Variants in ZBTB7C observed in about 807,000 individuals in gnomAD.
ZBTB7C encodes the protein zinc finger and BTB domain-containing protein 7C.
In ZBTB7C, 8 loss-of-function variants were observed where a neutral mutation model predicts 25.7. The observed-to-expected ratio is 0.31, with a 90% CI of 0.18 to 0.56. The LOEUF (loss-of-function observed/expected upper bound fraction) is 0.56, where lower values mean the gene tolerates loss of function less well. ZBTB7C is among the 20% of genes least tolerant of loss of function. ZBTB7C has a pLI of 0.91. For missense variants in ZBTB7C, 824 were observed against 855.2 expected, an observed-to-expected ratio of 0.96 and a Z score of 0.46; for synonymous variants, 394 against 369.0, an observed-to-expected ratio of 1.07 and a Z score of -0.78.
intron 2 of ZBTB7C, among the ~76,000 whole-genome samples, chr18:48,283,585 G>A (rs1355165328): frequency 2.0e-5 from 3 of 152,178 alleles, no homozygotes; most frequent in African/African-American, 7.2e-5. Context: ...CAGACATGAA[G>A]TTGAGTGTGA....
chr18:48,281,697 A>G (rs1255368472), intron 2 of ZBTB7C, among the ~76,000 whole-genome samples: 3 of 150,326 alleles, frequency 2.0e-5, no homozygotes, highest in Non-Finnish European at 4.5e-5. Flanking sequence ...GCAGCCAAAA[A>G]ACACATGAAA....
chr18:48,172,874 C>T (rs2041538065), intron 3 of ZBTB7C, among the ~76,000 whole-genome samples: 1 of 152,038 alleles, frequency 6.6e-6, no homozygotes, highest in African/African-American at 2.4e-5. Context: ...AGGCCTCCTG[C>T]AGAGACAGAG....
intron 1 of ZBTB7C, among the ~76,000 whole-genome samples, chr18:48,360,135 G>A (rs1039990200): frequency 3.9e-5 from 6 of 152,192 alleles, no homozygotes; most frequent in African/African-American, 1.2e-4. Context: ...GATCCCCTGC[G>A]AGAATAACTA....
intron 3 of ZBTB7C, among the ~76,000 whole-genome samples, chr18:48,113,349 A>G (rs1320529059): frequency 6.6e-6 from 1 of 152,258 alleles, no homozygotes; most frequent in African/African-American, 2.4e-5. Context: ...TCACAAGGAA[A>G]AACCATCATG....
chr18:48,089,285 A>G (rs11661601), intron 3 of ZBTB7C, among the ~76,000 whole-genome samples: 30,870 of 151,568 alleles, frequency 0.2, 3,212 homozygotes, highest in Admixed American at 0.27. Flanking sequence ...CCTGGCCAAC[A>G]TGGTGAAACC....
chr18:48,206,108 T>C (rs748862462), intron 2 of ZBTB7C, among the ~76,000 whole-genome samples: 3 of 152,110 alleles, frequency 2.0e-5, no homozygotes, highest in Non-Finnish European at 4.4e-5. Flanking sequence ...TCCAAAAGTA[T>C]ATGGAAATGC....
chr18:48,119,163 G>A (rs906826555), intron 3 of ZBTB7C, among the ~76,000 whole-genome samples: 10 of 152,184 alleles, frequency 6.6e-5, no homozygotes, highest in Non-Finnish European at 1.3e-4. Flanking sequence ...CCCAGGTGAT[G>A]CTGATGCTGT....
intron 2 of ZBTB7C, among the ~76,000 whole-genome samples, chr18:48,198,958 C>A (rs1382556040): frequency 6.6e-6 from 1 of 152,202 alleles, no homozygotes; most frequent in Non-Finnish European, 1.5e-5. Flanking sequence ...TGAGCCCATG[C>A]CTACCTGAAA....
In ZBTB7C at chr18:48,040,252, T is replaced by C. The variant is rs1173481573; in HGVS notation, c.856A>G (p.Asn286Asp). 1 of 1,561,388 alleles carries C rather than the reference T, an allele frequency of 6.4e-7. No individual in the cohort carries two copies. Among genetic ancestry groups the C allele is most frequent in the Admixed American group, 1.9e-5 (1 of 52,246 alleles). The change falls in exon 4 of 5, where the codon AAT (asparagine) becomes GAT (aspartate). Residue 286 changes from asparagine (N) to aspartate (D), a missense_variant. By Grantham distance (23) the Asn-to-Asp change is conservative (BLOSUM62 1). This residue lies in a region of ZBTB7C where 316 missense variants were observed against 299.2 expected (regional missense o/e 1.06). Coordinates refer to ENST00000590800, the MANE Select transcript of ZBTB7C (RefSeq NM_001318841.2). ...DSGPLDLVIK[N>D]RKIKEEEKEE... is the part of the protein sequence containing the mutation. ...TTCTCCTCCTCCTTGATCTTCCGAT[T>C]CTTGATGACCAGATCCAGTGGCCCA...
At chr18:48,060,302 C>T (rs2037078988) in intron 3 of ZBTB7C, among the ~76,000 whole-genome samples, 1 of 152,172 alleles carries the variant, frequency 6.6e-6, no homozygotes, top group African/African-American at 2.4e-5. Flanking sequence ...AAAGGAAAGG[C>T]AGGGCATGCA....
At chr18:48,165,696 A>G (rs1357436885) in intron 3 of ZBTB7C, 1 of 153,538 alleles carries the variant, frequency 6.5e-6, no homozygotes, top group Admixed American at 6.5e-5. Context: ...AGTCCAGCCA[A>G]CAAGAATCCC....
At chr18:48,313,448 C>T (rs1024938503) in intron 2 of ZBTB7C, among the ~76,000 whole-genome samples, 10 of 152,160 alleles carry the variant, frequency 6.6e-5, no homozygotes, top group Admixed American at 1.3e-4. Context: ...CAGGCAGCAG[C>T]GTTTTTAAAC....
chr18:48,146,376 A>G (rs983086857), intron 3 of ZBTB7C, among the ~76,000 whole-genome samples: 3 of 152,218 alleles, frequency 2.0e-5, no homozygotes, highest in Non-Finnish European at 4.4e-5. Flanking sequence ...AAACTACTGA[A>G]ACATTAATTA....
intron 3 of ZBTB7C, among the ~76,000 whole-genome samples, chr18:48,093,901 CA>C (rs34343946): frequency 0.24 from 36,317 of 151,640 alleles, 4,421 homozygotes; most frequent in Admixed American, 0.28. Context: ...TAAAAAAATA[CA>C]AAAAAAATTA....
At chr18:48,132,125 T>C (rs902855184) in intron 3 of ZBTB7C, among the ~76,000 whole-genome samples, 12 of 152,160 alleles carry the variant, frequency 7.9e-5, no homozygotes, top group Admixed American at 7.9e-4. Flanking sequence ...AAGCCAAATA[T>C]GGAAACAACC....
upstream of ZBTB7C, among the ~76,000 whole-genome samples, chr18:48,411,418 G>T (rs1273116866): frequency 1.3e-5 from 2 of 152,182 alleles, no homozygotes; most frequent in South Asian, 2.1e-4. Flanking sequence ...AATATATCTC[G>T]CTTTCAGCAG....
intron 1 of ZBTB7C, among the ~76,000 whole-genome samples, chr18:48,338,943 C>T (rs1003773041): frequency 6.6e-6 from 1 of 151,884 alleles, no homozygotes; most frequent in African/African-American, 2.4e-5. Context: ...GACACCCCAC[C>T]TATGGCTGAT....
intron 2 of ZBTB7C, among the ~76,000 whole-genome samples, chr18:48,192,844 A>G (rs1038666501): frequency 1.3e-5 from 2 of 152,244 alleles, no homozygotes; most frequent in African/African-American, 4.8e-5. Context: ...CCAGATGGTA[A>G]TAATAGGAGA....
chr18:48,195,045 A>C (rs2042286241), intron 2 of ZBTB7C, among the ~76,000 whole-genome samples: 2 of 152,140 alleles, frequency 1.3e-5, no homozygotes, highest in Admixed American at 1.3e-4. Context: ...GAGAAGTAGG[A>C]GTGAGTTTCT....
Sources: allele counts gnomAD v4.1 joint callset (sites outside exome capture counted in the v4.1 genomes callset), GRCh38; gene constraint gnomAD v4.1.1; regional missense constraint gnomAD v4.1.1; transcripts MANE v1.5; gene names NCBI Gene and HGNC (gene_info 2026-07-23, HGNC 2026-07-21).